ST3GAL3: variants seen among roughly 807,000 people sequenced by gnomAD.
ST3GAL3 encodes ST3 beta-galactoside alpha-2,3-sialyltransferase 3.
Under a neutral mutation model 50.1 loss-of-function variants are expected in ST3GAL3, and 21 were observed. The observed-to-expected ratio is 0.42, with a 90% confidence interval of 0.30 to 0.60. The LOEUF is 0.60. Ranked by LOEUF, ST3GAL3 falls within the 20% of genes least tolerant of loss-of-function variation. The pLI is 0.19. For missense variants in ST3GAL3, 353 were observed against 489.4 expected, an observed-to-expected ratio of 0.72 and a Z score of 2.63; for synonymous variants, 183 against 190.0, an observed-to-expected ratio of 0.96 and a Z score of 0.30.
At chr1:43,838,021 AGGAGAATGGCGTGAACCCG>A in intron 4 of ST3GAL3, among the ~76,000 whole-genome samples, 179 bp from the exon 5 acceptor site, 1 of 126,234 alleles carries the variant, frequency 7.9e-6, no homozygotes, top group Non-Finnish European at 1.7e-5. Flanking sequence ...AGGCTGAGGC[AGGAGAATGGCGTGAACCCG>A]GGAGGCGGAG....
intron 1 of ST3GAL3, among the ~76,000 whole-genome samples, chr1:43,720,990 A>G (rs1381890941): frequency 6.6e-6 from 1 of 152,184 alleles, no homozygotes; most frequent in African/African-American, 2.4e-5. Context: ...CATGCCTATA[A>G]TTCTAGCACT....
intron 2 of ST3GAL3, among the ~76,000 whole-genome samples, chr1:43,761,122 A>T (rs1224335155): frequency 6.6e-6 from 1 of 152,222 alleles, no homozygotes; most frequent in Non-Finnish European, 1.5e-5. Flanking sequence ...AGGCCACACT[A>T]GGCTGAGCAG....
chr1:43,834,735 T>C (rs2064042577), intron 4 of ST3GAL3, among the ~76,000 whole-genome samples: 1 of 152,194 alleles, frequency 6.6e-6, no homozygotes, highest in African/African-American at 2.4e-5. Flanking sequence ...CAGGCGCTTA[T>C]GGCAGCCACG....
At chr1:43,762,262 T>TA (rs573587830) in intron 2 of ST3GAL3, among the ~76,000 whole-genome samples, 5,788 of 121,254 alleles carry the variant, frequency 0.048, 168 homozygotes, top group East Asian at 0.2. Flanking sequence ...CCTGTCTCAT[T>TA]AAAAAAAAAA....
intron 5 of ST3GAL3, among the ~76,000 whole-genome samples, chr1:43,869,045 C>T (rs1202903546): frequency 6.6e-6 from 1 of 152,118 alleles, no homozygotes; most frequent in Non-Finnish European, 1.5e-5. Flanking sequence ...ATCTTCAGCC[C>T]AGGGTAAGTC....
chr1:43,736,361 C>G lies in ST3GAL3; in HGVS notation c.99C>G (p.Leu33=). ...LYYSAWKLHL[L]QWEEDSNSVV... The stretch of plus-strand genomic sequence containing the variant: ...ATTCTGCGTGGAAGCTACACTTACT[C>G]CAGTGGGAGGAGGACTCCAGTAAGT... The change falls in exon 2 of 12, where the codon CTC becomes CTG. Residue 33 remains leucine (L), a synonymous_variant. Transcript: ENST00000347631. 6.2e-7 allele frequency: 1 copy of G among 1,614,158 alleles called. No individual in the cohort carries two copies. Among genetic ancestry groups the G allele is most frequent in the Non-Finnish European group, 8.5e-7 (1 of 1,180,020 alleles).
At chr1:43,922,033 A>G (rs995164793) in intron 11 of ST3GAL3, 18 of 308,404 alleles carry the variant, frequency 5.8e-5, no homozygotes, top group African/African-American at 3.4e-4. Context: ...ATTCTCTCAC[A>G]TTCTCTTTCT....
intron 9 of ST3GAL3, among the ~76,000 whole-genome samples, chr1:43,900,022 C>T (rs1187801377): frequency 6.6e-6 from 1 of 150,938 alleles, no homozygotes; most frequent in Non-Finnish European, 1.5e-5. Context: ...CCCCAGGGGC[C>T]CTTCCCTGGC....
chr1:43,851,242 G>A (rs1467575076), intron 5 of ST3GAL3: 8 of 1,572,652 alleles, frequency 5.1e-6, no homozygotes, highest in Non-Finnish European at 7.0e-6. Flanking sequence ...TAGATTCAAA[G>A]AAGATGGACG....
chr1:43,840,491 A>C (rs1351801515), intron 5 of ST3GAL3: 1 of 152,164 alleles, frequency 6.6e-6, no homozygotes, highest in African/African-American at 2.4e-5. Flanking sequence ...TTAACTCAAA[A>C]GTCCTACTGT....
In ST3GAL3 at chr1:43,809,658, C is replaced by G. The variant is rs984181417; in HGVS notation, c.167-5233C>G. 5.9e-5 allele frequency among the ~76,000 whole-genome samples: 9 copies of G among 151,870 alleles called. No individual in the cohort carries two copies. The South Asian group carries it at 1.7e-3, about 28-fold the overall frequency. ...GCTGCAGTGAGCTATGATTGTGCCA[C>G]CACACTCCAGGCTGGGCTATGGGTT... On this transcript the variant is annotated intron_variant, in intron 3 of 11. Transcript: ENST00000347631.
intron 2 of ST3GAL3, among the ~76,000 whole-genome samples, chr1:43,765,836 A>G (rs2154126909): frequency 6.6e-6 from 1 of 151,484 alleles, no homozygotes; most frequent in Non-Finnish European, 1.5e-5. Flanking sequence ...TTTTAGTGGT[A>G]TAGGAGAAGA....
chr1:43,899,154 C>T lies in ST3GAL3; in HGVS notation c.462-14C>T. 1 of 1,614,058 alleles carries T rather than the reference C, an allele frequency of 6.2e-7. No individual in the cohort carries two copies. ...CAGCTCTCTGTACAGAGGTCTCCGC[C>T]TCTCTCCCCTCAGCCTCCGCTGCCG... On this transcript the variant is annotated splice_polypyrimidine_tract_variant and intron_variant, in intron 7 of 11. Transcript: ENST00000347631. This position sits in a 1 kb window ranked among gnomAD's most constrained non-coding sequence, Gnocchi z 5.4.
intron 4 of ST3GAL3, among the ~76,000 whole-genome samples, chr1:43,815,875 ATGCT>A (rs910320513): frequency 7.0e-6 from 1 of 143,382 alleles, no homozygotes; most frequent in Non-Finnish European, 1.5e-5. Context: ...TAAACACTGA[ATGCT>A]TGGTTGGATG....
intron 3 of ST3GAL3, among the ~76,000 whole-genome samples, chr1:43,809,800 G>A (rs2060322706): frequency 1.3e-5 from 2 of 151,980 alleles, no homozygotes; most frequent in African/African-American, 4.8e-5. Flanking sequence ...TTCGAGACCA[G>A]CCTGGCCAAT....
At chr1:43,716,591 A>G (rs1321680866) in intron 1 of ST3GAL3, 1 of 152,178 alleles carries the variant, frequency 6.6e-6, no homozygotes, top group Non-Finnish European at 1.5e-5. Context: ...GGAACTAACC[A>G]TATTGATGTC....
At chr1:43,808,118 A>G (rs1329796457) in intron 3 of ST3GAL3, among the ~76,000 whole-genome samples, 1 of 152,138 alleles carries the variant, frequency 6.6e-6, no homozygotes, top group African/African-American at 2.4e-5. Context: ...CCTGGCCAAC[A>G]TAGTGAAACA....
intron 5 of ST3GAL3, chr1:43,850,985 A>G: frequency 1.1e-6 from 1 of 894,026 alleles, no homozygotes; most frequent in Non-Finnish European, 1.9e-6. Context: ...GGTTCTTGTG[A>G]GTGGTGGTGG....
At chr1:43,833,912 C>T (rs1558504176) in intron 4 of ST3GAL3, among the ~76,000 whole-genome samples, 1 of 152,190 alleles carries the variant, frequency 6.6e-6, no homozygotes, top group Admixed American at 6.5e-5. Context: ...CCAGCCCTTC[C>T]AGTTTTGCGC....
Sources: gnomAD v4.1 joint callset for allele counts (sites outside exome capture counted in the v4.1 genomes callset) on GRCh38, gnomAD v4.1.1 for gene constraint, Gnocchi (gnomAD v3.1) non-coding constraint, MANE v1.5 for transcripts, NCBI Gene and HGNC (gene_info 2026-07-23, HGNC 2026-07-21) for gene names.